The following IL1RAPL2 variants were observed in gnomAD, a reference collection of about 807,000 sequenced individuals.
The protein encoded by IL1RAPL2 is interleukin 1 receptor accessory protein like 2.
A neutral mutation model predicts 44.1 loss-of-function variants in IL1RAPL2; 3 were observed. That is an observed-to-expected ratio of 0.07 (90% CI 0.03 to 0.18). The LOEUF (loss-of-function observed/expected upper bound fraction) is 0.18, where lower values mean the gene tolerates loss of function less well. Among genes scored for constraint, IL1RAPL2 ranks in the 10% least tolerant of loss-of-function variants. The probability of loss-of-function intolerance (pLI) is 1.00; values close to 1 mark genes in which losing one functional copy is unlikely to be tolerated. For missense variants in IL1RAPL2, 391 were observed against 496.4 expected (o/e 0.79, Z 2.02); for synonymous variants, 181 against 178.8 (o/e 1.01, Z -0.10).
chrX:105,404,601 G>A (rs1477709647), intron 5 of IL1RAPL2, among the ~76,000 whole-genome samples: 1 of 111,378 alleles, frequency 9.0e-6, no homozygotes, highest in Admixed American at 9.5e-5. Context: ...AGATGTAGTG[G>A]TTGGTAGGGA....
At chrX:105,170,429 C>T (rs1372117329) in intron 2 of IL1RAPL2, among the ~76,000 whole-genome samples, 1 of 110,846 alleles carries the variant, frequency 9.0e-6, no homozygotes, top group Non-Finnish European at 1.9e-5. Flanking sequence ...AGTTATAAAT[C>T]AAATTGTACT....
At chrX:104,909,021 T>C (rs968956849) in intron 2 of IL1RAPL2, among the ~76,000 whole-genome samples, 1 of 110,512 alleles carries the variant, frequency 9.0e-6, no homozygotes, top group Non-Finnish European at 1.9e-5. Flanking sequence ...AGTCCCATAT[T>C]TCTTGGAGGC....
chrX:104,948,120 A>T (rs1925445417), intron 2 of IL1RAPL2, among the ~76,000 whole-genome samples: 1 of 107,217 alleles, frequency 9.3e-6, no homozygotes, highest in Non-Finnish European at 1.9e-5. Context: ...TTCTCCTTGA[A>T]GAGGTCCTTC....
chrX:105,598,899 T>A (rs1402327599), intron 6 of IL1RAPL2, among the ~76,000 whole-genome samples: 2 of 112,655 alleles, frequency 1.8e-5, no homozygotes, highest in Non-Finnish European at 3.8e-5. Flanking sequence ...CTGTGGGGGA[T>A]CTACTGCTCT....
chrX:104,848,946 T>C (rs1922142408), intron 2 of IL1RAPL2, among the ~76,000 whole-genome samples: 1 of 111,406 alleles, frequency 9.0e-6, no homozygotes, highest in South Asian at 3.8e-4. Flanking sequence ...AAGATAACTT[T>C]AGATTTTTCA....
chrX:104,671,887 G>A (rs1011031434), intron 2 of IL1RAPL2, among the ~76,000 whole-genome samples: 17 of 111,463 alleles, frequency 1.5e-4, no homozygotes, highest in African/African-American at 5.5e-4. Context: ...TTTTGACAAG[G>A]AGGATTTATC....
intron 2 of IL1RAPL2, among the ~76,000 whole-genome samples, chrX:105,062,209 T>C (rs1299235361): frequency 1.8e-5 from 2 of 111,622 alleles, no homozygotes; most frequent in Admixed American, 9.6e-5. Flanking sequence ...TATTTTTTTA[T>C]TTGAGGCTAC....
Position 105,612,088 on chromosome X carries a change from TTTTGTTTGTTTG to T in IL1RAPL2, c.773-105263_773-105252del, listed in dbSNP as rs758633330. On this transcript the variant is annotated intron_variant, in intron 6 of 10. Transcript: ENST00000372582. ...TTATAAGAAACAACCAAACATTGTT[TTTTGTTTGTTTG>T]TTTGTTTGTTTGTTTTTTGTTTTTA... Among the ~76,000 whole-genome samples the T allele has an allele frequency of 3.6e-5, 4 of 111,014 alleles. No homozygotes were observed. The South Asian group carries it at 1.1e-3, about 32-fold the overall frequency.
At chrX:104,984,395 T>C (rs1453921819) in intron 2 of IL1RAPL2, among the ~76,000 whole-genome samples, 1 of 112,103 alleles carries the variant, frequency 8.9e-6, no homozygotes, top group Non-Finnish European at 1.9e-5. Context: ...TCTGTTATCT[T>C]GCTAGATGCC....
At chrX:105,496,777 G>A (rs2036359346) in intron 6 of IL1RAPL2, among the ~76,000 whole-genome samples, 1 of 111,799 alleles carries the variant, frequency 8.9e-6, no homozygotes, top group African/African-American at 3.2e-5. Context: ...CTACTATTAT[G>A]TATGTACACA....
intron 5 of IL1RAPL2, among the ~76,000 whole-genome samples, chrX:105,475,697 A>C (rs1050323666): frequency 9.0e-6 from 1 of 110,501 alleles, no homozygotes; most frequent in Non-Finnish European, 1.9e-5. Context: ...AAAAAAAAAA[A>C]AACAAAACTA....
At chrX:104,586,231 C>T (rs1569488067) in intron 1 of IL1RAPL2, among the ~76,000 whole-genome samples, 2 of 111,155 alleles carry the variant, frequency 1.8e-5, no homozygotes, top group Admixed American at 1.9e-4. Flanking sequence ...GCTTGTTGGC[C>T]ACATGTATGT....
chrX:104,746,595 AT>A (rs1314886595), intron 2 of IL1RAPL2, among the ~76,000 whole-genome samples: 2 of 111,723 alleles, frequency 1.8e-5, no homozygotes, highest in Non-Finnish European at 3.8e-5. Context: ...GTCTCTTACA[AT>A]TTGTAGTTGT....
intron 2 of IL1RAPL2, among the ~76,000 whole-genome samples, chrX:105,093,652 A>G (rs2032571336): frequency 8.9e-6 from 1 of 111,802 alleles, no homozygotes; most frequent in Non-Finnish European, 1.9e-5. Context: ...GCGAAGACTG[A>G]AAGAGAAGGC....
intron 1 of IL1RAPL2, among the ~76,000 whole-genome samples, chrX:104,653,827 C>T (rs1326708603): frequency 9.0e-6 from 1 of 111,173 alleles, no homozygotes; most frequent in African/African-American, 3.3e-5. Context: ...CATCCAGAGG[C>T]TATTGCCTTT....
chrX:104,605,184 A>G lies in IL1RAPL2; in HGVS notation c.-20+38133A>G, dbSNP rs747207688. ...GAAACTCACTCAAAACCACACAACT[A>G]TATGAAAACTGAACAACGTGCTCCT... On this transcript the variant is annotated intron_variant, in intron 1 of 10. Transcript: ENST00000372582. Among the ~76,000 whole-genome samples, 57 of 112,093 alleles carry G rather than the reference A, an allele frequency of 5.1e-4. No individual in the cohort carries two copies. In the South Asian group the frequency reaches 0.021, roughly 42 times the overall value.
At chrX:105,754,247 G>A (rs1363265211) in intron 9 of IL1RAPL2, among the ~76,000 whole-genome samples, 1 of 111,864 alleles carries the variant, frequency 8.9e-6, no homozygotes, top group African/African-American at 3.2e-5. Context: ...TTTAATAAGG[G>A]AATTTTGAAA....
intron 2 of IL1RAPL2, among the ~76,000 whole-genome samples, chrX:105,073,863 C>G (rs1352195746): frequency 9.0e-6 from 1 of 111,152 alleles, no homozygotes; most frequent in Non-Finnish European, 1.9e-5. Context: ...CTGTTCATAT[C>G]CTTTGCCCAC....
In IL1RAPL2 at chrX:104,629,142, A is replaced by G. The variant is rs188676721; in HGVS notation, c.-19-29753A>G. On this transcript the variant is annotated intron_variant, in intron 1 of 10. Transcript: ENST00000372582. ...AAGGTTTGGAATTTTTAACATTACT[A>G]TAACTCTTAGGAGGGGAGTGGTTAA... 4.5e-5 allele frequency among the ~76,000 whole-genome samples: 5 copies of G among 112,356 alleles called. No homozygotes were observed. The East Asian group carries it at 1.1e-3, about 25-fold the overall frequency.
Sources: allele counts gnomAD v4.1 joint callset (sites outside exome capture counted in the v4.1 genomes callset), GRCh38; gene constraint gnomAD v4.1.1; transcripts MANE v1.5; gene names NCBI Gene and HGNC (gene_info 2026-07-23, HGNC 2026-07-21).